Variants in PTPN14 observed in about 807,000 individuals in gnomAD.
PTPN14 encodes the protein tyrosine-protein phosphatase non-receptor type 14.
In PTPN14, 53 loss-of-function variants were observed where a neutral mutation model predicts 126.8. The observed-to-expected ratio is 0.42, with a 90% CI of 0.34 to 0.53. The LOEUF (loss-of-function observed/expected upper bound fraction) is 0.53. Among genes scored for constraint, PTPN14 ranks in the 20% least tolerant of loss-of-function variants. The probability of loss-of-function intolerance (pLI) is 0.08; values close to 1 mark genes in which losing one functional copy is unlikely to be tolerated. For missense variants in PTPN14, 1,257 were observed against 1,552.9 expected, an observed-to-expected ratio of 0.81 and a Z score of 3.20; for synonymous variants, 630 against 599.3, an observed-to-expected ratio of 1.05 and a Z score of -0.75.
At chr1:214,446,862 CAAACATGTGTTGGATGA>C in intron 3 of PTPN14, among the ~76,000 whole-genome samples, 1 of 152,148 alleles carries the variant, frequency 6.6e-6, no homozygotes, top group East Asian at 1.9e-4. Flanking sequence ...CAAACCATTG[CAAACATGTGTTGGATGA>C]AAACAAGTTT....
intron 11 of PTPN14, among the ~76,000 whole-genome samples, chr1:214,389,878 C>T (rs986012960): frequency 4.6e-5 from 7 of 152,160 alleles, no homozygotes; most frequent in Non-Finnish European, 7.3e-5. Context: ...GAAAGCCCAA[C>T]GTATCTGTTA....
chr1:214,528,162 T>G (rs2102465752), intron 1 of PTPN14: 1 of 152,296 alleles, frequency 6.6e-6, no homozygotes, highest in East Asian at 1.9e-4. Context: ...GGAAGAGAAG[T>G]TTTGGCAACG....
chr1:214,383,365 C>T lies in PTPN14; in HGVS notation c.2490G>A (p.Val830=), dbSNP rs774646110. The T allele has an allele frequency of 3.1e-6, 5 of 1,614,240 alleles. No homozygotes were observed. The South Asian group carries it at 4.4e-5, about 14-fold the overall frequency. The change falls in exon 13 of 19, where the codon GTG becomes GTA. Residue 830 remains valine, a synonymous_variant. Coordinates refer to ENST00000366956, the MANE Select transcript of PTPN14 (RefSeq NM_005401.5). The surrounding 1 kb of genome is among the most constrained non-coding windows in gnomAD (Gnocchi z 4.4). ...VKKEPVKERP[V]SEMFSLEDSI... is the part of the protein sequence containing the mutation. The stretch of plus-strand genomic sequence containing the variant: ...TGTCTTCCAGGGAAAACATTTCAGA[C>T]ACAGGTCTCTCCTTCACAGGCTCTT...
intron 1 of PTPN14, among the ~76,000 whole-genome samples, chr1:214,502,954 TTAG>T (rs2102433393): frequency 6.6e-6 from 1 of 152,292 alleles, no homozygotes; most frequent in African/African-American, 2.4e-5. Context: ...TAAAAACCTA[TTAG>T]TATTGATTAT....
At chr1:214,421,956 CTG>C (rs1404895951) in intron 3 of PTPN14, among the ~76,000 whole-genome samples, 2 of 152,226 alleles carry the variant, frequency 1.3e-5, no homozygotes, top group African/African-American at 2.4e-5. Flanking sequence ...CAGGCCTCTC[CTG>C]CACTGGCACC....
chr1:214,489,016 C>T (rs1245225423), intron 1 of PTPN14, among the ~76,000 whole-genome samples: 1 of 152,210 alleles, frequency 6.6e-6, no homozygotes, highest in Non-Finnish European at 1.5e-5. Context: ...GCTAAGGCTG[C>T]ATCGAAAGAC....
chr1:214,525,773 T>C (rs1655376543), intron 1 of PTPN14, among the ~76,000 whole-genome samples: 2 of 152,108 alleles, frequency 1.3e-5, no homozygotes, highest in Admixed American at 6.6e-5. Flanking sequence ...AAATAGCTAA[T>C]TAGTGACTTG....
At chr1:214,456,971 A>G (rs2102641613) in intron 2 of PTPN14, among the ~76,000 whole-genome samples, 1 of 152,364 alleles carries the variant, frequency 6.6e-6, no homozygotes, top group South Asian at 2.1e-4. Flanking sequence ...GCTATAAAAT[A>G]CAGCAGAATT....
chr1:214,442,448 T>C (rs1660055155), intron 3 of PTPN14, among the ~76,000 whole-genome samples: 2 of 152,234 alleles, frequency 1.3e-5, no homozygotes. Flanking sequence ...AACATACGTA[T>C]AAGCATATCT....
chr1:214,450,194 G>A (rs941249425), intron 3 of PTPN14, among the ~76,000 whole-genome samples: 4 of 146,358 alleles, frequency 2.7e-5, no homozygotes, highest in African/African-American at 5.1e-5. Flanking sequence ...AGCAGAGGCC[G>A]GGCGCAGTGG....
chr1:214,391,227 T>C (rs1169228258), intron 10 of PTPN14, among the ~76,000 whole-genome samples, 182 bp from the exon 11 acceptor site: 3 of 152,134 alleles, frequency 2.0e-5, no homozygotes. Context: ...TTTTCTTTAT[T>C]TTCAAAATGT....
chr1:214,393,091 G>A (rs545135208), intron 10 of PTPN14, among the ~76,000 whole-genome samples: 6 of 152,254 alleles, frequency 3.9e-5, no homozygotes, highest in South Asian at 4.2e-4. Context: ...AGGTCAGGCC[G>A]CATTTAAGTG....
intron 3 of PTPN14, among the ~76,000 whole-genome samples, chr1:214,425,896 C>T (rs950277599): frequency 3.3e-5 from 5 of 151,846 alleles, no homozygotes; most frequent in African/African-American, 1.2e-4. Flanking sequence ...CCCATTTATC[C>T]ACGGGGAAAC....
intron 16 of PTPN14, among the ~76,000 whole-genome samples, chr1:214,370,362 A>C (rs1031708597): frequency 6.6e-6 from 1 of 151,932 alleles, no homozygotes; most frequent in African/African-American, 2.4e-5. Context: ...GCGATCAGAG[A>C]GGAGACTGGA....
At chr1:214,479,983 T>C (rs1660950663) in intron 1 of PTPN14, among the ~76,000 whole-genome samples, 1 of 152,224 alleles carries the variant, frequency 6.6e-6, no homozygotes, top group Admixed American at 6.5e-5. Context: ...TACTATGTAT[T>C]ATTTTCTCAT....
Position 214,383,862 on chromosome 1 carries a change from T to C in PTPN14, c.1993A>G (p.Met665Val), listed in dbSNP as rs985436736. Residue 665 changes from methionine (M) to valine (V), a missense_variant, in exon 13 of 19, where the codon ATG (methionine) becomes GTG (valine). By Grantham distance (21) the Met-to-Val change is conservative. Transcript: ENST00000366956. This position sits in a 1 kb window ranked among gnomAD's most constrained non-coding sequence, Gnocchi z 4.4. ...TCCCGGAGCGTGTTGCGGCGAGCCA[T>C]GGGGAGGTGGAGCGACTTGAGCGTC... ...AMTLKSLHLP[M>V]ARRNTLREQG... 11 of 1,612,700 alleles carry C rather than the reference T, an allele frequency of 6.8e-6. No homozygotes were observed. Among genetic ancestry groups the C allele is most frequent in the South Asian group, 1.1e-5 (1 of 91,060 alleles).
chr1:214,473,103 A>G (rs1481821098), intron 1 of PTPN14, among the ~76,000 whole-genome samples: 2 of 152,232 alleles, frequency 1.3e-5, no homozygotes, highest in Admixed American at 6.5e-5. Context: ...ATCTTTACCT[A>G]TTAACTGTGG....
intron 1 of PTPN14, among the ~76,000 whole-genome samples, chr1:214,467,024 C>T (rs889769309): frequency 2.6e-5 from 4 of 152,064 alleles, no homozygotes; most frequent in African/African-American, 7.2e-5. Context: ...TGTTTTATGA[C>T]GGCTTAAAAT....
At chr1:214,545,685 G>A (rs1204756713) in intron 1 of PTPN14, among the ~76,000 whole-genome samples, 1 of 152,188 alleles carries the variant, frequency 6.6e-6, no homozygotes, top group African/African-American at 2.4e-5. Flanking sequence ...TGGGGTTTGA[G>A]AAAGGGATTG....
Sources: gnomAD v4.1 joint callset for allele counts (sites outside exome capture counted in the v4.1 genomes callset) on GRCh38, gnomAD v4.1.1 for gene constraint, Gnocchi (gnomAD v3.1) non-coding constraint, MANE v1.5 for transcripts, NCBI Gene and HGNC (gene_info 2026-07-23, HGNC 2026-07-21) for gene names.